Variants in GRIK2 observed in about 807,000 individuals in gnomAD.
The protein encoded by GRIK2 is glutamate receptor ionotropic, kainate 2.
In GRIK2, 32 loss-of-function variants were observed where a neutral mutation model predicts 100.3. The ratio of observed to expected loss-of-function variants is 0.32; its 90% confidence interval spans 0.24 to 0.43. The LOEUF (loss-of-function observed/expected upper bound fraction) is 0.43, where lower values mean the gene tolerates loss of function less well. GRIK2 is among the 20% of genes least tolerant of loss of function. The pLI is 1.00. For missense variants in GRIK2, 843 were observed against 1,114.9 expected (o/e 0.76, Z 3.47); for synonymous variants, 417 against 389.4 (o/e 1.07, Z -0.83).
chr6:101,987,941 G>A (rs1484644525), intron 14 of GRIK2, among the ~76,000 whole-genome samples: 1 of 151,406 alleles, frequency 6.6e-6, no homozygotes, highest in Non-Finnish European at 1.5e-5. Context: ...AGTCCATAAC[G>A]TGTTACCTTG....
chr6:101,466,269 G>T (rs1329328354), intron 2 of GRIK2, among the ~76,000 whole-genome samples: 1 of 151,450 alleles, frequency 6.6e-6, no homozygotes, highest in Non-Finnish European at 1.5e-5. Flanking sequence ...GTTTATGAAT[G>T]CATGAGATTT....
chr6:101,607,992 C>T (rs1779509032), intron 2 of GRIK2, among the ~76,000 whole-genome samples: 1 of 151,294 alleles, frequency 6.6e-6, no homozygotes, highest in Non-Finnish European at 1.5e-5. Context: ...CCAGTACCAG[C>T]TTGGCTGCAA....
chr6:101,778,014 G>T (rs1778857777), intron 7 of GRIK2, among the ~76,000 whole-genome samples: 1 of 152,024 alleles, frequency 6.6e-6, no homozygotes, highest in African/African-American at 2.4e-5. Context: ...TTCTTTTATT[G>T]TTTAAATGAA....
chr6:101,431,027 G>A, intron 2 of GRIK2: 1 of 254,902 alleles, frequency 3.9e-6, no homozygotes, highest in Non-Finnish European at 8.4e-6. Context: ...ACTACCGGAG[G>A]TGTACAGGGA....
intron 14 of GRIK2, among the ~76,000 whole-genome samples, chr6:101,965,938 A>G (rs1260949530): frequency 6.6e-6 from 1 of 152,172 alleles, no homozygotes; most frequent in Middle Eastern, 3.2e-3. Flanking sequence ...TATTCTTTTT[A>G]TAATAATTAT....
rs1770674470 is a variant in GRIK2, at chr6:101,451,453, T to G, written c.115+52061T>G. Among the ~76,000 whole-genome samples, 4 of 151,660 alleles carry G rather than the reference T, an allele frequency of 2.6e-5. No individual in the cohort carries two copies. The South Asian group carries it at 8.3e-4, about 31-fold the overall frequency. ...AGCTACTAGCAGTCATTTATTATAT[T>G]AGGCAGTCAATAAATTGGTTGAATA... On this transcript the variant is annotated intron_variant, in intron 2 of 16. Coordinates refer to ENST00000369134, the MANE Select transcript of GRIK2 (RefSeq NM_021956.5).
At chr6:102,061,819 CATT>C (rs1181347853) in intron 16 of GRIK2, among the ~76,000 whole-genome samples, 1 of 149,960 alleles carries the variant, frequency 6.7e-6, no homozygotes, top group African/African-American at 2.4e-5. Context: ...AAAATAATAT[CATT>C]ATTATTATTT....
At chr6:101,403,749 A>C (rs1196399595) in intron 2 of GRIK2, among the ~76,000 whole-genome samples, 1 of 152,158 alleles carries the variant, frequency 6.6e-6, no homozygotes, top group Non-Finnish European at 1.5e-5. Flanking sequence ...GTGGCCTTAC[A>C]TCTGGAAGCA....
chr6:101,878,580 A>G (rs1786030471), intron 11 of GRIK2, among the ~76,000 whole-genome samples: 1 of 151,794 alleles, frequency 6.6e-6, no homozygotes, highest in Admixed American at 6.6e-5. Flanking sequence ...CAATTTTGAG[A>G]CTCTCTGGTC....
intron 7 of GRIK2, among the ~76,000 whole-genome samples, chr6:101,778,788 T>C (rs1778901727): frequency 6.6e-6 from 1 of 152,168 alleles, no homozygotes; most frequent in Admixed American, 6.5e-5. Flanking sequence ...AGCTATGTTT[T>C]AATTTTTGTG....
chr6:101,583,210 T>G (rs1438932268), intron 2 of GRIK2, among the ~76,000 whole-genome samples: 11 of 151,968 alleles, frequency 7.2e-5, no homozygotes, highest in Non-Finnish European at 1.0e-4. Context: ...ATACAGCCAA[T>G]AAAGGGGAGT....
At chr6:101,541,438 T>A (rs117058974) in intron 2 of GRIK2, among the ~76,000 whole-genome samples, 150,758 of 150,772 alleles carry the variant, frequency 1, 75,372 homozygotes, top group Middle Eastern at 1. Context: ...ACTACACCCT[T>A]ATACAAACCC....
chr6:101,810,604 G>A (rs539269357), intron 9 of GRIK2, among the ~76,000 whole-genome samples: 1 of 152,016 alleles, frequency 6.6e-6, no homozygotes, highest in African/African-American at 2.4e-5. Flanking sequence ...AAGCACATAG[G>A]CTTTGCTGTA....
intron 14 of GRIK2, among the ~76,000 whole-genome samples, chr6:101,981,091 T>C (rs1793690525): frequency 6.6e-6 from 1 of 151,712 alleles, no homozygotes; most frequent in Non-Finnish European, 1.5e-5. Context: ...ACACATGTGT[T>C]CCATTAACCA....
At chr6:101,841,583 C>G (rs1044991880) in intron 10 of GRIK2, among the ~76,000 whole-genome samples, 4 of 151,990 alleles carry the variant, frequency 2.6e-5, no homozygotes, top group African/African-American at 9.7e-5. Context: ...AGGCTGGTCT[C>G]GAACTCCTGA....
chr6:101,778,750 T>C (rs1034586572), intron 7 of GRIK2, among the ~76,000 whole-genome samples: 2 of 152,218 alleles, frequency 1.3e-5, no homozygotes, highest in African/African-American at 4.8e-5. Flanking sequence ...TGTTTGTTTC[T>C]ATTGTCTTCA....
At chr6:102,026,215 TTGA>T (rs919165307) in intron 14 of GRIK2, among the ~76,000 whole-genome samples, 4 of 147,436 alleles carry the variant, frequency 2.7e-5, no homozygotes, top group African/African-American at 9.9e-5. Context: ...TCTCTTTTGA[TTGA>T]TTATGTAAAA....
intron 15 of GRIK2, among the ~76,000 whole-genome samples, chr6:102,043,562 T>A (rs971729807): frequency 6.6e-6 from 1 of 151,952 alleles, no homozygotes; most frequent in African/African-American, 2.4e-5. Context: ...TCTTGTTTCA[T>A]CTAGGTTGTC....
chr6:101,641,134 A>G (rs1348892618), intron 4 of GRIK2, among the ~76,000 whole-genome samples: 1 of 152,116 alleles, frequency 6.6e-6, no homozygotes. Flanking sequence ...AAAATTGTGA[A>G]GTATAAATTG....
Sources: allele counts gnomAD v4.1 joint callset (sites outside exome capture counted in the v4.1 genomes callset), GRCh38; gene constraint gnomAD v4.1.1; transcripts MANE v1.5; gene names NCBI Gene and HGNC (gene_info 2026-07-23, HGNC 2026-07-21).